APLF: variants seen among roughly 807,000 people sequenced by gnomAD.
APLF encodes aprataxin and PNK-like factor.
A neutral mutation model predicts 55.6 loss-of-function variants in APLF; 61 were observed. That is an observed-to-expected ratio of 1.10 (90% CI 0.89 to 1.36). APLF has a LOEUF of 1.36. APLF is among the 40% of genes most tolerant of loss of function. The probability of loss-of-function intolerance (pLI) is 0.00; values close to 1 mark genes in which losing one functional copy is unlikely to be tolerated. For missense variants in APLF, 611 were observed against 602.5 expected (o/e 1.01, Z -0.15); for synonymous variants, 207 against 214.8 (o/e 0.96, Z 0.32).
At chr2:68,546,136 AG>A (rs1670696712) in intron 8 of APLF, among the ~76,000 whole-genome samples, 1 of 152,122 alleles carries the variant, frequency 6.6e-6, no homozygotes, top group Non-Finnish European at 1.5e-5. Context: ...TTTTTTTGAA[AG>A]GTAAGTGTTC....
At chr2:68,518,823 T>G (rs1231876026) in intron 5 of APLF, among the ~76,000 whole-genome samples, 2 of 126,240 alleles carry the variant, frequency 1.6e-5, no homozygotes, top group Non-Finnish European at 3.1e-5. Context: ...AAAATATTAG[T>G]AATATATCAT....
intron 2 of APLF, among the ~76,000 whole-genome samples, chr2:68,495,477 C>T (rs755121865): frequency 3.9e-5 from 6 of 152,172 alleles, no homozygotes; most frequent in Non-Finnish European, 7.4e-5. Flanking sequence ...AGGGTGGGCT[C>T]CCAAGACCTT....
At chr2:68,492,509 G>A (rs575456988) in intron 2 of APLF, among the ~76,000 whole-genome samples, 1 of 152,160 alleles carries the variant, frequency 6.6e-6, no homozygotes, top group Non-Finnish European at 1.5e-5. Flanking sequence ...TACTAATAAT[G>A]TAAAATAAAT....
chr2:68,556,440 C>T (rs1478839053), intron 8 of APLF, among the ~76,000 whole-genome samples: 2 of 152,198 alleles, frequency 1.3e-5, no homozygotes, highest in Non-Finnish European at 2.9e-5. Context: ...AGAAGACTCA[C>T]TCAGTTTAAT....
chr2:68,468,641 A>G (rs1316982340), intron 1 of APLF, among the ~76,000 whole-genome samples: 1 of 152,234 alleles, frequency 6.6e-6, no homozygotes, highest in Non-Finnish European at 1.5e-5. Context: ...TGCATATTGC[A>G]TTCTGGAATT....
intron 1 of APLF, among the ~76,000 whole-genome samples, chr2:68,486,692 G>A (rs1430219371): frequency 6.6e-6 from 1 of 152,056 alleles, no homozygotes; most frequent in East Asian, 1.9e-4. Flanking sequence ...ATGGGATATG[G>A]GTAGTTTTAT....
At chr2:68,559,493 T>A (rs1403107907) in intron 8 of APLF, among the ~76,000 whole-genome samples, 1 of 152,134 alleles carries the variant, frequency 6.6e-6, no homozygotes. Flanking sequence ...ACTCTTGATT[T>A]TTATCATGAA....
chr2:68,529,149 C>G lies in APLF; in HGVS notation c.804+2907C>G. The G allele has an allele frequency of 7.6e-7, 1 of 1,308,748 alleles. No homozygotes were observed. The highest frequency in any genetic ancestry group is 1.4e-5 in the South Asian group (1 of 74,016). The allele number at this position is 1,308,748 out of a possible 1,614,324, so 81.1% of individuals were successfully genotyped here. A position where few individuals can be genotyped will look rare whatever the true frequency, so the allele number is the denominator to read the frequency against. ...ATCCTGGAGTTGCGAGCAGACAGCA[C>G]GGGTTTCTTCCTTGAGGGGGGGCTC... On this transcript the variant is annotated intron_variant, in intron 6 of 9. Coordinates refer to ENST00000303795, the MANE Select transcript of APLF (RefSeq NM_173545.3). The surrounding 1 kb of genome is among the most constrained non-coding windows in gnomAD (Gnocchi z 4.4).
intron 2 of APLF, among the ~76,000 whole-genome samples, chr2:68,498,619 A>G (rs969128607): frequency 6.6e-6 from 1 of 152,202 alleles, no homozygotes; most frequent in Admixed American, 6.5e-5. Context: ...TAGCTTTTTT[A>G]TATTTCATCT....
At chr2:68,492,660 C>T (rs1013325884) in intron 2 of APLF, among the ~76,000 whole-genome samples, 2 of 152,078 alleles carry the variant, frequency 1.3e-5, no homozygotes, top group Non-Finnish European at 2.9e-5. Context: ...ATACTCTTCA[C>T]TTTTACTGGG....
At chr2:68,507,391 TTATATAGTA>T (rs1676898618) in intron 3 of APLF, among the ~76,000 whole-genome samples, 2 of 151,952 alleles carry the variant, frequency 1.3e-5, no homozygotes, top group Non-Finnish European at 2.9e-5. Flanking sequence ...AAAATGTTTT[TTATATAGTA>T]TTTAGATTCT....
chr2:68,538,375 C>G (rs941374186), intron 7 of APLF, 148 bp downstream of exon 7: 1 of 671,216 alleles, frequency 1.5e-6, no homozygotes. Flanking sequence ...TGTACTTCCT[C>G]AGTATATTTT....
chr2:68,499,896 A>G (rs1346090511), intron 2 of APLF, among the ~76,000 whole-genome samples: 2 of 152,170 alleles, frequency 1.3e-5, no homozygotes, highest in South Asian at 2.1e-4. Flanking sequence ...ACACGTAAAC[A>G]TACTTTAAAA....
At chr2:68,565,595 C>A (rs377510412) in intron 8 of APLF, among the ~76,000 whole-genome samples, 63 of 152,052 alleles carry the variant, frequency 4.1e-4, no homozygotes, top group African/African-American at 1.5e-3. Context: ...ATATAGTAGG[C>A]AGTGCTGGAA....
At chr2:68,503,537 T>A (rs1164242526) in intron 3 of APLF, among the ~76,000 whole-genome samples, 1 of 152,092 alleles carries the variant, frequency 6.6e-6, no homozygotes, top group Non-Finnish European at 1.5e-5. Flanking sequence ...TAGTATTAAG[T>A]CAGAAATCAT....
chr2:68,487,067 A>G (rs1386418237), intron 1 of APLF, among the ~76,000 whole-genome samples: 1 of 152,112 alleles, frequency 6.6e-6, no homozygotes, highest in Non-Finnish European at 1.5e-5. Context: ...TGTCTACTAA[A>G]TCCTATCCAC....
chr2:68,564,603 TCTCATGAATC>T (rs1455448322), intron 8 of APLF, among the ~76,000 whole-genome samples: 2 of 152,082 alleles, frequency 1.3e-5, no homozygotes, highest in Non-Finnish European at 2.9e-5. Flanking sequence ...TTTTGCATTA[TCTCATGAATC>T]CTCACAACAG....
chr2:68,521,450 A>T (rs1669895388), intron 5 of APLF, among the ~76,000 whole-genome samples: 1 of 151,714 alleles, frequency 6.6e-6, no homozygotes, highest in Non-Finnish European at 1.5e-5. Context: ...TTTATTTTTT[A>T]TGTCTCAGGT....
At chr2:68,520,533 G>C (rs1318132345) in intron 5 of APLF, among the ~76,000 whole-genome samples, 2 of 151,842 alleles carry the variant, frequency 1.3e-5, no homozygotes, top group Non-Finnish European at 2.9e-5. Context: ...TTTTACATGT[G>C]GCTTGCAAAT....
Sources: gnomAD v4.1 joint callset for allele counts (sites outside exome capture counted in the v4.1 genomes callset) on GRCh38, gnomAD v4.1.1 for gene constraint, Gnocchi (gnomAD v3.1) non-coding constraint, MANE v1.5 for transcripts, NCBI Gene and HGNC (gene_info 2026-07-23, HGNC 2026-07-21) for gene names.